POFUT1: variants seen among roughly 807,000 people sequenced by gnomAD.
The protein encoded by POFUT1 is GDP-fucose protein O-fucosyltransferase 1.
A neutral mutation model predicts 42.4 loss-of-function variants in POFUT1; 16 were observed. The observed-to-expected ratio is 0.38, with a 90% CI of 0.26 to 0.57. The LOEUF is 0.57. Among genes scored for constraint, POFUT1 ranks in the 20% least tolerant of loss-of-function variants. The pLI is 0.71. For missense variants in POFUT1, 470 were observed against 504.6 expected, an observed-to-expected ratio of 0.93 and a Z score of 0.66; for synonymous variants, 206 against 205.4, an observed-to-expected ratio of 1.00 and a Z score of -0.03.
intron 4 of POFUT1, among the ~76,000 whole-genome samples, chr20:32,220,586 A>G (rs938568409): frequency 2.6e-5 from 4 of 152,126 alleles, no homozygotes; most frequent in Admixed American, 6.6e-5. Context: ...TACTAAAAAT[A>G]TAAAAAATTA....
chr20:32,216,970 C>T (rs760549370), intron 4 of POFUT1: 18 of 1,609,630 alleles, frequency 1.1e-5, no homozygotes, highest in Non-Finnish European at 1.5e-5. Flanking sequence ...ATAAAAAGAA[C>T]ATTCTGCAGT....
chr20:32,208,588 A>G (rs1397314152), intron 1 of POFUT1, among the ~76,000 whole-genome samples: 6 of 146,168 alleles, frequency 4.1e-5, no homozygotes. Flanking sequence ...AGACCGAGGC[A>G]GGATCACTTG....
chr20:32,210,748 TCC>T (rs1306877772), intron 2 of POFUT1, among the ~76,000 whole-genome samples: 1 of 152,228 alleles, frequency 6.6e-6, no homozygotes, highest in East Asian at 1.9e-4. Context: ...GGCCCCCAGT[TCC>T]TTGCTTATTC....
intron 2 of POFUT1, among the ~76,000 whole-genome samples, chr20:32,210,753 G>GT (rs1252903546): frequency 6.6e-6 from 1 of 152,182 alleles, no homozygotes; most frequent in East Asian, 1.9e-4. Context: ...CCAGTTCCTT[G>GT]CTTATTCTTT....
At chr20:32,214,880 C>T (rs561427686) in intron 2 of POFUT1, among the ~76,000 whole-genome samples, 1 of 152,158 alleles carries the variant, frequency 6.6e-6, no homozygotes, top group Non-Finnish European at 1.5e-5. Flanking sequence ...CTGTCTTGGT[C>T]TTGGAGTGTT....
intron 1 of POFUT1, among the ~76,000 whole-genome samples, chr20:32,209,320 C>T (rs2047313777): frequency 6.6e-6 from 1 of 152,232 alleles, no homozygotes; most frequent in African/African-American, 2.4e-5. Flanking sequence ...ATTACCCTAT[C>T]ACCAAACTTT....
intron 1 of POFUT1, 65 bp downstream of exon 1, chr20:32,208,130 T>G: frequency 6.9e-7 from 1 of 1,458,506 alleles, no homozygotes; most frequent in South Asian, 1.2e-5. Flanking sequence ...AAGCCACTCC[T>G]CAGATGCGCC....
intron 5 of POFUT1, among the ~76,000 whole-genome samples, chr20:32,229,550 C>G (rs544582078): frequency 2.6e-5 from 4 of 152,142 alleles, no homozygotes; most frequent in Non-Finnish European, 5.9e-5. Flanking sequence ...GGCTATCTCT[C>G]GAAACCACAG....
At chr20:32,223,012 C>T in intron 4 of POFUT1, 1 of 985,454 alleles carries the variant, frequency 1.0e-6, no homozygotes, top group Non-Finnish European at 1.2e-6. Flanking sequence ...GTTCATGTCC[C>T]TGGGTCTTCT....
At chr20:32,216,441 C>T (rs1290179203) in intron 3 of POFUT1, among the ~76,000 whole-genome samples, 168 bp from the exon 4 acceptor site, 1 of 152,218 alleles carries the variant, frequency 6.6e-6, no homozygotes, top group African/African-American at 2.4e-5. Context: ...GCACTCTGCT[C>T]AGCCCCTGGC....
chr20:32,215,829 AT>A (rs2047357104), intron 3 of POFUT1, among the ~76,000 whole-genome samples: 1 of 152,190 alleles, frequency 6.6e-6, no homozygotes, highest in Non-Finnish European at 1.5e-5. Flanking sequence ...GTATCAACTC[AT>A]TTAATACTCA....
intron 3 of POFUT1, 104 bp from the exon 4 acceptor site, chr20:32,216,505 C>G: frequency 1.4e-6 from 1 of 711,470 alleles, no homozygotes. Flanking sequence ...AGTGTTTTGG[C>G]CTGAGTCACA....
chr20:32,227,499 G>A (rs1244672737), intron 4 of POFUT1, among the ~76,000 whole-genome samples: 2 of 152,196 alleles, frequency 1.3e-5, no homozygotes, highest in Non-Finnish European at 2.9e-5. Context: ...TCCAGCCTGG[G>A]TGACACCTGG....
At chr20:32,231,199 C>A in intron 6 of POFUT1, 138 bp downstream of exon 6, 2 of 917,654 alleles carry the variant, frequency 2.2e-6, no homozygotes, top group Non-Finnish European at 3.3e-6. Flanking sequence ...CAGTTCCTAC[C>A]CTCCTTCAAA....
rs571308391 is a variant in POFUT1, at chr20:32,216,466, G to C, written c.430-143G>C. The C allele has an allele frequency of 3.9e-4, 242 of 623,364 alleles. 2 individuals carry two copies. The highest frequency in any genetic ancestry group is 1.2e-4 in the Non-Finnish European group (41 of 344,856). The allele number at this position is 623,364 out of a possible 1,614,324, so 38.6% of individuals were successfully genotyped here. A position where few individuals can be genotyped will look rare whatever the true frequency, so the allele number is the denominator to read the frequency against. On this transcript the variant is annotated intron_variant, in intron 3 of 6. Coordinates refer to ENST00000375749, the MANE Select transcript of POFUT1 (RefSeq NM_015352.2). ...CAGCCCCTGGCCTAGGAATTGCAGA[G>C]TGACATTTCTCCTAGGCCATCCTGT...
chr20:32,209,145 C>T (rs982957444), intron 1 of POFUT1, among the ~76,000 whole-genome samples: 7 of 152,174 alleles, frequency 4.6e-5, no homozygotes, highest in African/African-American at 7.2e-5. Context: ...CTTTGCGTTC[C>T]TCACACATGC....
chr20:32,212,770 C>T (rs1164134582), intron 2 of POFUT1, among the ~76,000 whole-genome samples: 12 of 152,078 alleles, frequency 7.9e-5, no homozygotes, highest in Admixed American at 7.2e-4. Flanking sequence ...TTAGTAAAGA[C>T]GAGGTTTCGC....
intron 2 of POFUT1, among the ~76,000 whole-genome samples, chr20:32,214,810 C>T (rs6061229): frequency 0.057 from 8,736 of 152,242 alleles, 901 homozygotes; most frequent in African/African-American, 0.2. Context: ...CTCCTGCTAG[C>T]CTGTCTATCC....
chr20:32,225,803 AC>A (rs2047411997), intron 4 of POFUT1, among the ~76,000 whole-genome samples: 1 of 152,160 alleles, frequency 6.6e-6, no homozygotes, highest in Non-Finnish European at 1.5e-5. Flanking sequence ...TTGAAAAAAA[AC>A]AAAAACAACA....
Sources: allele counts gnomAD v4.1 joint callset (sites outside exome capture counted in the v4.1 genomes callset), GRCh38; gene constraint gnomAD v4.1.1; transcripts MANE v1.5; gene names NCBI Gene and HGNC (gene_info 2026-07-23, HGNC 2026-07-21).